BAZ2B: variants seen among roughly 807,000 people sequenced by gnomAD.
The protein encoded by BAZ2B is bromodomain adjacent to zinc finger domain protein 2B.
In BAZ2B, 91 loss-of-function variants were observed where a neutral mutation model predicts 246.0. The ratio of observed to expected loss-of-function variants is 0.37; its 90% CI spans 0.31 to 0.44. BAZ2B has a LOEUF of 0.44. Ranked by LOEUF, BAZ2B falls within the 20% of genes least tolerant of loss-of-function variation. The probability of loss-of-function intolerance (pLI) is 1.00; values close to 1 mark genes in which losing one functional copy is unlikely to be tolerated. For synonymous variants in BAZ2B, 855 were observed against 860.0 expected, an observed-to-expected ratio of 0.99 and a Z score of 0.10; for missense variants, 2,332 against 2,533.7, an observed-to-expected ratio of 0.92 and a Z score of 1.71.
chr2:159,702,702 T>C, the BAZ2B span, among the ~76,000 whole-genome samples: 1 of 152,168 alleles, frequency 6.6e-6, no homozygotes, highest in African/African-American at 2.4e-5. Context: ...GTTTTTCACA[T>C]TTTCATTCCT....
At chr2:159,479,507 C>T (rs117719223) in intron 2 of BAZ2B, among the ~76,000 whole-genome samples, 82 of 152,036 alleles carry the variant, frequency 5.4e-4, no homozygotes, top group African/African-American at 1.9e-3. Flanking sequence ...AAAGAGAACA[C>T]GATCTACAAT....
intron 1 of BAZ2B, among the ~76,000 whole-genome samples, chr2:159,591,569 T>A (rs1353891951): frequency 6.6e-6 from 1 of 152,212 alleles, no homozygotes; most frequent in Non-Finnish European, 1.5e-5. Flanking sequence ...AGAAGGAAAT[T>A]GCAGTTCATA....
chr2:159,337,121 T>TA (rs767454182), intron 32 of BAZ2B, 44 bp from the exon 33 acceptor site: 11 of 1,565,592 alleles, frequency 7.0e-6, no homozygotes, highest in South Asian at 4.6e-5. Context: ...TGTCCACACT[T>TA]ACGATTACGG....
the BAZ2B span, among the ~76,000 whole-genome samples, chr2:159,698,750 C>T: frequency 2.0e-5 from 3 of 152,040 alleles, no homozygotes; most frequent in Non-Finnish European, 4.4e-5. Flanking sequence ...TTTCTCAATA[C>T]TTCTTAGGAG....
chr2:159,564,718 T>G (rs1182438676), intron 1 of BAZ2B, among the ~76,000 whole-genome samples: 1 of 152,136 alleles, frequency 6.6e-6, no homozygotes, highest in African/African-American at 2.4e-5. Flanking sequence ...CTGGTGGTGG[T>G]AGTGGTAATA....
At chr2:159,574,038 T>C (rs188368796) in intron 1 of BAZ2B, among the ~76,000 whole-genome samples, 2 of 151,874 alleles carry the variant, frequency 1.3e-5, no homozygotes, top group Admixed American at 1.3e-4. Flanking sequence ...AGGTTGAGCC[T>C]ACAGTGAGCC....
intron 1 of BAZ2B, among the ~76,000 whole-genome samples, chr2:159,577,453 G>T (rs941632531): frequency 6.6e-6 from 1 of 152,116 alleles, no homozygotes; most frequent in Admixed American, 6.5e-5. Flanking sequence ...CTGTAAGTAT[G>T]CATTACCTTT....
the BAZ2B span, among the ~76,000 whole-genome samples, chr2:159,688,922 T>C: frequency 2.0e-5 from 3 of 152,236 alleles, no homozygotes; most frequent in African/African-American, 7.2e-5. Context: ...CTACTGTTAG[T>C]GTTAACTTTC....
intron 2 of BAZ2B, among the ~76,000 whole-genome samples, chr2:159,498,976 C>T (rs1577812604): frequency 1.3e-5 from 2 of 152,124 alleles, no homozygotes; most frequent in South Asian, 2.1e-4. Context: ...TAACAAAATA[C>T]CTAACAGGAG....
At chr2:159,666,719 G>C in the BAZ2B span, among the ~76,000 whole-genome samples, 23 of 152,248 alleles carry the variant, frequency 1.5e-4, no homozygotes, top group African/African-American at 5.3e-4. Context: ...GTTGGGTGTG[G>C]TGGCACATGC....
intron 1 of BAZ2B, among the ~76,000 whole-genome samples, chr2:159,571,480 G>A (rs974551413): frequency 6.6e-6 from 1 of 152,100 alleles, no homozygotes; most frequent in Admixed American, 6.5e-5. Context: ...GATGATTTAT[G>A]GGGTGGGGAG....
the BAZ2B span, among the ~76,000 whole-genome samples, chr2:159,695,795 C>T: frequency 1.3e-5 from 2 of 152,006 alleles, no homozygotes; most frequent in East Asian, 3.9e-4. Context: ...CACTCTGTCG[C>T]CCAGGCTGGA....
At chr2:159,474,820 A>G (rs923858626) in intron 3 of BAZ2B, among the ~76,000 whole-genome samples, 1 of 152,126 alleles carries the variant, frequency 6.6e-6, no homozygotes, top group African/African-American at 2.4e-5. Context: ...GTTGAAGCTC[A>G]GTTTGGCGGG....
the BAZ2B span, among the ~76,000 whole-genome samples, chr2:159,639,260 A>C: frequency 2.0e-5 from 3 of 152,200 alleles, no homozygotes; most frequent in Non-Finnish European, 4.4e-5. Context: ...TTTCATCAAG[A>C]CCAGACCTGT....
rs537666553 is a variant in BAZ2B, at chr2:159,384,415, T to C, written c.3687-735A>G. ...CATTAATACAATATCATAGCTAAGA[T>C]AGGTACAGAAAACTTAAAATTTCCA... On this transcript the variant is annotated intron_variant, in intron 23 of 36. Coordinates refer to ENST00000392783, the MANE Select transcript of BAZ2B (RefSeq NM_013450.4). Among the ~76,000 whole-genome samples the C allele has an allele frequency of 2.0e-5, 3 of 152,150 alleles. No homozygotes were observed. In the East Asian group the frequency reaches 5.8e-4, roughly 29 times the overall value.
the BAZ2B span, among the ~76,000 whole-genome samples, chr2:159,676,544 G>A: frequency 1.3e-5 from 2 of 151,748 alleles, no homozygotes; most frequent in Admixed American, 6.6e-5. Context: ...AGCTGAGCAC[G>A]TGATGGGTGC....
intron 2 of BAZ2B, among the ~76,000 whole-genome samples, chr2:159,519,768 G>C (rs1228710791): frequency 7.0e-6 from 1 of 143,412 alleles, no homozygotes; most frequent in African/African-American, 2.6e-5. Flanking sequence ...CGCCTCCCGG[G>C]TTCACGCCAT....
the BAZ2B span, among the ~76,000 whole-genome samples, chr2:159,661,402 A>G: frequency 2.0e-5 from 3 of 152,188 alleles, no homozygotes; most frequent in Non-Finnish European, 4.4e-5. Flanking sequence ...TGTTAGGTAT[A>G]TTCTAGTTCA....
chr2:159,522,826 G>A (rs967314704), intron 2 of BAZ2B, among the ~76,000 whole-genome samples: 7 of 151,928 alleles, frequency 4.6e-5, no homozygotes, highest in African/African-American at 7.3e-5. Context: ...CGCTTTAAAC[G>A]AGTATCTGTG....
Sources: allele counts gnomAD v4.1 joint callset (sites outside exome capture counted in the v4.1 genomes callset), GRCh38; gene constraint gnomAD v4.1.1; transcripts MANE v1.5; gene names NCBI Gene and HGNC (gene_info 2026-07-23, HGNC 2026-07-21).